Variants in PLEC observed in about 807,000 individuals in gnomAD.
PLEC encodes the protein hemidesmosomal protein 1.
A neutral mutation model predicts 392.8 loss-of-function variants in PLEC; 216 were observed. The ratio of observed to expected loss-of-function variants is 0.55; its 90% confidence interval spans 0.49 to 0.62. PLEC has a LOEUF of 0.62. Among genes scored for constraint, PLEC ranks in the 20% least tolerant of loss-of-function variants. PLEC has a pLI of 0.00. For synonymous variants in PLEC, 3,621 were observed against 2,980.6 expected (o/e 1.21, Z -7.00); for missense variants, 6,863 against 6,563.4 (o/e 1.05, Z -1.58).
rs913121938 is a variant in PLEC, at chr8:143,924,701, G to A, written c.5228C>T (p.Ala1743Val). 1.1e-5 allele frequency: 17 copies of A among 1,533,594 alleles called. No homozygotes were observed. The highest frequency in any genetic ancestry group is 2.7e-5 in the African/African-American group (2 of 72,900). The allele number at this position is 1,533,594 out of a possible 1,614,324, so 95.0% of individuals were successfully genotyped here. A position where few individuals can be genotyped will look rare whatever the true frequency, so the allele number is the denominator to read the frequency against. Residue 1743 changes from alanine (A) to valine (V), a missense_variant, in exon 31 of 32, where the codon GCG becomes GTG. Ala to Val is a moderately conservative substitution (Grantham distance 64). Transcript: ENST00000345136. Reference protein sequence around the residue: ...EEELARLQREAAAATQKRQEL... With the variant: ...EEELARLQREVAAATQKRQEL... ...CTGCCGTTTCTGCGTGGCTGCAGCC[G>A]CCTCACGCTGCAGCCGGGCCAGCTC...
At chr8:143,968,827 T>G (rs1266183779) in intron 1 of PLEC, among the ~76,000 whole-genome samples, 2 of 152,202 alleles carry the variant, frequency 1.3e-5, no homozygotes, top group Non-Finnish European at 2.9e-5. Flanking sequence ...GGATTGGATG[T>G]CTGCAATCAA....
At chr8:143,966,302 C>A (rs1833087669) in intron 1 of PLEC, among the ~76,000 whole-genome samples, 1 of 152,256 alleles carries the variant, frequency 6.6e-6, no homozygotes, top group Non-Finnish European at 1.5e-5. Context: ...GCTCAGAGCT[C>A]TGGCCCGAGG....
Position 143,924,267 on chromosome 8 carries a change from T to G in PLEC, c.5662A>C (p.Lys1888Gln). ...GCCAGGCGCTCCTCGATGTCAGCCT[T>G]GTGTTGCGCGGCCTGCTCCTCCAGC... is the stretch of plus-strand genomic sequence containing the variant. ...RRLEEQAAQH[K>Q]ADIEERLAQL... Residue 1888 changes from lysine (K) to glutamine (Q), a missense_variant, in exon 31 of 32, where the codon AAG (lysine) becomes CAG (glutamine). By Grantham distance (53) the Lys-to-Gln change is moderately conservative (BLOSUM62 1). Coordinates refer to ENST00000345136, the MANE Select transcript of PLEC (RefSeq NM_201384.3). 6.3e-7 allele frequency: 1 copy of G among 1,597,066 alleles called. No individual in the cohort carries two copies. Among genetic ancestry groups the G allele is most frequent in the East Asian group, 2.2e-5 (1 of 44,704 alleles).
chr8:143,950,855 C>A, exon 1 of PLEC: 1 of 1,455,528 alleles, frequency 6.9e-7, no homozygotes. Context: ...GGCTGGGGTG[C>A]TGAGCGTGAG....
rs782536360 is a variant in PLEC at position 143,934,096 on chromosome 8, A to G, written c.1170-5T>C. On this transcript the variant is annotated splice_region_variant and splice_polypyrimidine_tract_variant and intron_variant, in intron 11 of 31. Transcript: ENST00000345136. Reference sequence around the variant, plus strand: ...ATGCGCTGAAGACACTCCAGCCTGCAGCAGCAGCACAGGGAAGGGGCCGCG... The same window carrying G: ...ATGCGCTGAAGACACTCCAGCCTGCGGCAGCAGCACAGGGAAGGGGCCGCG... 14 of 1,610,698 alleles carry G rather than the reference A, an allele frequency of 8.7e-6. No individual in the cohort carries two copies. The highest frequency in any genetic ancestry group is 6.7e-5 in the African/African-American group (5 of 74,848).
At chr8:143,928,751 C>T (rs1826108516) in intron 25 of PLEC, among the ~76,000 whole-genome samples, 1 of 152,164 alleles carries the variant, frequency 6.6e-6, no homozygotes, top group Admixed American at 6.5e-5. Flanking sequence ...AAGTCCAGGC[C>T]AGGAACAGGA....
intron 3 of PLEC, 108 bp from the exon 4 acceptor site, chr8:143,937,350 G>A (rs974492877): frequency 7.4e-6 from 6 of 810,234 alleles, no homozygotes; most frequent in African/African-American, 6.7e-5. Flanking sequence ...TTCCCCAGGG[G>A]GCAGCAGCCC....
intron 1 of PLEC, among the ~76,000 whole-genome samples, chr8:143,938,935 G>A (rs1376896550): frequency 2.0e-5 from 3 of 152,052 alleles, no homozygotes; most frequent in African/African-American, 4.8e-5. Context: ...CTCTTCCCCC[G>A]AGGAAATGGG....
upstream of PLEC, among the ~76,000 whole-genome samples, chr8:143,951,559 C>G (rs1453600144): frequency 6.6e-6 from 1 of 152,108 alleles, no homozygotes; most frequent in Non-Finnish European, 1.5e-5. Flanking sequence ...TAGGAGTGGC[C>G]TCTCCAAGCC....
exon 1 of PLEC, chr8:143,950,377 T>C: frequency 6.3e-7 from 1 of 1,596,732 alleles, no homozygotes; most frequent in Non-Finnish European, 8.5e-7. Context: ...GGGTGCGGCG[T>C]GCGGGCATCA....
Position 143,972,232 on chromosome 8 carries a change from C to T in PLEC, c.70+1171G>A, listed in dbSNP as rs145244386. 4.1e-3 allele frequency among the ~76,000 whole-genome samples: 620 copies of T among 152,322 alleles called. 7 individuals are homozygous for T. The highest frequency in any genetic ancestry group is 0.014 in the African/African-American group (599 of 41,572). ...CCTGCCCTATACCCCAGCACCCCTC[C>T]GGGTGCTCCCTCTAAGGCAGGGCCG... On this transcript the variant is annotated intron_variant, in intron 1 of 31. Transcript: ENST00000356346.
At chr8:143,938,745 C>G in intron 1 of PLEC, 53 bp from the exon 2 acceptor site, 3 of 1,495,456 alleles carry the variant, frequency 2.0e-6, no homozygotes, top group Non-Finnish European at 2.8e-6. Flanking sequence ...CCCGGGGGCC[C>G]TCAGGTGACC....
At position 143,932,623 on chromosome 8, in the gene PLEC, GC is replaced by G. The variant is rs782444240; in HGVS notation, c.1815+11del. 6.2e-7 allele frequency: 1 copy of G among 1,610,966 alleles called. No individual in the cohort carries two copies. Among genetic ancestry groups the G allele is most frequent in the East Asian group, 2.2e-5 (1 of 44,860 alleles). On this transcript the variant is annotated intron_variant, in intron 15 of 31. Coordinates refer to ENST00000345136, the MANE Select transcript of PLEC (RefSeq NM_201384.3). ...CTACCCACCTCCCCCGGCTGGCCCT[GC>G]CCCCACTCACCAGCAGCTTGGCGTA...
chr8:143,933,331 T>C lies in PLEC; in HGVS notation c.1284A>G (p.Ala428=), dbSNP rs189174850. Residue 428 remains alanine (A), a synonymous_variant, in exon 13 of 32, where the codon GCA becomes GCG. Coordinates refer to ENST00000345136, the MANE Select transcript of PLEC (RefSeq NM_201384.3). ...LLQSDVRLLA[A]GKVPQRAGEV... ...CCCCCGCCCGCTGTGGCACTTTGCC[T>C]GCAGCCAGCAGCCGGACATCCTGCA... 379 of 1,612,164 alleles carry C rather than the reference T, an allele frequency of 2.4e-4. 2 individuals carry two copies. In the East Asian group the frequency reaches 8.1e-3, roughly 34 times the overall value.
rs782552926 is a variant in PLEC at position 143,922,376 on chromosome 8, T to G, written c.7445A>C (p.Glu2482Ala). Residue 2482 changes from glutamate to alanine, a missense_variant, in exon 32 of 32, where the codon GAG (glutamate) becomes GCG (alanine). Transcript: ENST00000345136. ...GGCCTGCGTCTCCTGCAGCAGCTGC[T>G]CCTGCTGCACCGTCTGCATCTGCAG... ...KSEEMQTVQQ[E>A]QLLQETQALQ... The G allele has an allele frequency of 3.1e-6, 5 of 1,602,608 alleles. No homozygotes were observed. In the Admixed American group the frequency reaches 8.3e-5, roughly 27 times the overall value.
intron 25 of PLEC, among the ~76,000 whole-genome samples, chr8:143,928,596 G>A (rs1826060816): frequency 9.6e-6 from 1 of 103,910 alleles, no homozygotes; most frequent in Admixed American, 8.4e-5. Flanking sequence ...GACAGCGGGT[G>A]GACCTGTGGT....
In PLEC at chr8:143,917,931, A is replaced by G. The variant is rs782716372; in HGVS notation, c.11890T>C (p.Phe3964Leu). 6.2e-7 allele frequency: 1 copy of G among 1,612,988 alleles called. No homozygotes were observed. The highest frequency in any genetic ancestry group is 1.1e-5 in the South Asian group (1 of 91,074). Residue 3964 changes from phenylalanine to leucine, a missense_variant, in exon 32 of 32, where the codon TTT becomes CTT. Phe to Leu is a conservative substitution (Grantham distance 22). Coordinates refer to ENST00000345136, the MANE Select transcript of PLEC (RefSeq NM_201384.3). ...KKGIIRPGTA[F>L]ELLEAQAATG... ...GCCGCCTGCGCCTCCAGGAGCTCAAAGGCTGTGCCGGGGCGGATGATGCCC... is the reference window on the plus strand; with the variant it reads ...GCCGCCTGCGCCTCCAGGAGCTCAAGGGCTGTGCCGGGGCGGATGATGCCC...
chr8:143,934,013 G>A lies in PLEC; in HGVS notation c.1248C>T (p.Asp416=), dbSNP rs572481168. The change falls in exon 12 of 32, where the codon GAC becomes GAT. Residue 416 remains aspartate, a synonymous_variant. Transcript: ENST00000345136. ...ACCCCCTCACCGACTGCAGCAGGGC[G>A]TCGGCCTGGTTCAGCTGCTCCTCAC... ...GLCEEQLNQA[D]ALLQSDVRLL... The A allele has an allele frequency of 3.7e-5, 60 of 1,607,894 alleles. No homozygotes were observed. Among genetic ancestry groups the A allele is most frequent in the South Asian group, 1.8e-4 (16 of 90,754 alleles).
upstream of PLEC, among the ~76,000 whole-genome samples, chr8:143,954,636 C>CAGGA (rs1182489246): frequency 6.6e-6 from 1 of 152,220 alleles, no homozygotes; most frequent in Non-Finnish European, 1.5e-5. The surrounding 1 kb of genome is among the most constrained non-coding windows in gnomAD (Gnocchi z 4.6). Context: ...CCTCAGCCCG[C>CAGGA]AGGAGTAGCT....
Sources: gnomAD v4.1 joint callset for allele counts (sites outside exome capture counted in the v4.1 genomes callset) on GRCh38, gnomAD v4.1.1 for gene constraint, Gnocchi (gnomAD v3.1) non-coding constraint, MANE v1.5 for transcripts, NCBI Gene and HGNC (gene_info 2026-07-23, HGNC 2026-07-21) for gene names.